Variants in UGT8 observed in about 807,000 individuals in gnomAD.
UGT8 encodes the protein 2-hydroxyacylsphingosine 1-beta-galactosyltransferase.
A neutral mutation model predicts 40.5 loss-of-function variants in UGT8; 12 were observed. The ratio of observed to expected loss-of-function variants is 0.30; its 90% CI spans 0.19 to 0.48. UGT8 has a LOEUF of 0.48. Ranked by LOEUF, UGT8 falls within the 20% of genes least tolerant of loss-of-function variation. The probability of loss-of-function intolerance (pLI) is 0.99; values close to 1 mark genes in which losing one functional copy is unlikely to be tolerated. For synonymous variants in UGT8, 224 were observed against 240.4 expected (o/e 0.93, Z 0.63); for missense variants, 513 against 648.7 (o/e 0.79, Z 2.27).
At chr4:114,645,159 T>C (rs1018221245) in intron 2 of UGT8, among the ~76,000 whole-genome samples, 1 of 152,136 alleles carries the variant, frequency 6.6e-6, no homozygotes, top group Admixed American at 6.5e-5. Flanking sequence ...CAAATCCAAA[T>C]ATTGGTTAAA....
chr4:114,656,227 G>A (rs1327962831), intron 2 of UGT8, among the ~76,000 whole-genome samples: 1 of 151,732 alleles, frequency 6.6e-6, no homozygotes, highest in Non-Finnish European at 1.5e-5. Context: ...ATCAGTCTCT[G>A]TGTCTTTATG....
At chr4:114,647,960 T>A (rs1283050530) in intron 2 of UGT8, among the ~76,000 whole-genome samples, 1 of 152,194 alleles carries the variant, frequency 6.6e-6, no homozygotes, top group Non-Finnish European at 1.5e-5. Flanking sequence ...TCATGGACAA[T>A]GTCATGTTCT....
intron 2 of UGT8, among the ~76,000 whole-genome samples, chr4:114,648,721 T>C (rs569459620): frequency 6.6e-6 from 1 of 152,208 alleles, no homozygotes; most frequent in Non-Finnish European, 1.5e-5. Context: ...GATTTCTTTA[T>C]GTATATCATT....
chr4:114,667,299 C>T (rs1490272724), intron 4 of UGT8, among the ~76,000 whole-genome samples: 1 of 152,162 alleles, frequency 6.6e-6, no homozygotes, highest in Non-Finnish European at 1.5e-5. Context: ...TGGCCAATAA[C>T]ATATATCCTA....
At chr4:114,659,018 C>T (rs959313280) in intron 2 of UGT8, among the ~76,000 whole-genome samples, 1 of 152,138 alleles carries the variant, frequency 6.6e-6, no homozygotes, top group African/African-American at 2.4e-5. Flanking sequence ...CATGGAGGGA[C>T]ATGGGAGGAC....
At chr4:114,634,638 A>G (rs1211131049) in intron 2 of UGT8, among the ~76,000 whole-genome samples, 1 of 152,240 alleles carries the variant, frequency 6.6e-6, no homozygotes, top group Non-Finnish European at 1.5e-5. Flanking sequence ...GATATATAGT[A>G]ATAAATGACT....
At chr4:114,626,346 C>T (rs1054023580) in intron 2 of UGT8, among the ~76,000 whole-genome samples, 8 of 152,258 alleles carry the variant, frequency 5.3e-5, no homozygotes, top group South Asian at 2.1e-4. Context: ...AAAGTAGCTG[C>T]GTAGAACACA....
At chr4:114,618,526 C>A (rs542632912) in intron 1 of UGT8, among the ~76,000 whole-genome samples, 1 of 152,142 alleles carries the variant, frequency 6.6e-6, no homozygotes, top group Non-Finnish European at 1.5e-5. Context: ...ATTCTTCACT[C>A]AAATTTCCAG....
intron 2 of UGT8, among the ~76,000 whole-genome samples, chr4:114,651,635 T>G (rs1266991928): frequency 6.6e-6 from 1 of 152,124 alleles, no homozygotes; most frequent in Admixed American, 6.6e-5. Context: ...AGAGAATCTG[T>G]CATTCTCTGA....
rs141908284 is a variant in UGT8, at chr4:114,669,693, T to C, written c.1262+1389T>C. On this transcript the variant is annotated intron_variant, in intron 5 of 5. Transcript: ENST00000310836. ...GCAATTAAATTCCAGCTATAGAATATTGAAGACATGTAAGTGCTTAATTTA... is the reference window on the plus strand; with the variant it reads ...GCAATTAAATTCCAGCTATAGAATACTGAAGACATGTAAGTGCTTAATTTA... Among the ~76,000 whole-genome samples, 5 of 152,338 alleles carry C rather than the reference T, an allele frequency of 3.3e-5. No homozygotes were observed. The East Asian group carries it at 5.8e-4, about 18-fold the overall frequency.
At chr4:114,627,066 C>T (rs1385708315) in intron 2 of UGT8, among the ~76,000 whole-genome samples, 1 of 152,116 alleles carries the variant, frequency 6.6e-6, no homozygotes, top group East Asian at 1.9e-4. Flanking sequence ...CATCTACTAC[C>T]TGGCTGCCTC....
intron 1 of UGT8, among the ~76,000 whole-genome samples, chr4:114,619,911 G>T (rs1764519092): frequency 6.6e-6 from 1 of 151,416 alleles, no homozygotes; most frequent in South Asian, 2.1e-4. Context: ...GTATTGCTTA[G>T]TTTGTTTTCT....
chr4:114,626,677 A>C (rs1732241945), intron 2 of UGT8, among the ~76,000 whole-genome samples: 1 of 152,194 alleles, frequency 6.6e-6, no homozygotes, highest in African/African-American at 2.4e-5. Context: ...AGCCACACAG[A>C]TAGTCTGTGG....
chr4:114,648,401 C>A (rs1233781952), intron 2 of UGT8, among the ~76,000 whole-genome samples: 3 of 136,892 alleles, frequency 2.2e-5, no homozygotes, highest in Non-Finnish European at 3.1e-5. Context: ...TTAGTCAAAT[C>A]GGATTCAGGA....
At chr4:114,650,023 CTT>C (rs1733805274) in intron 2 of UGT8, among the ~76,000 whole-genome samples, 1 of 152,130 alleles carries the variant, frequency 6.6e-6, no homozygotes, top group Non-Finnish European at 1.5e-5. Flanking sequence ...TTTTTAACCA[CTT>C]TCATTGGTAT....
At chr4:114,633,492 C>CT (rs1475224409) in intron 2 of UGT8, among the ~76,000 whole-genome samples, 1 of 152,124 alleles carries the variant, frequency 6.6e-6, no homozygotes, top group African/African-American at 2.4e-5. Context: ...TCAGTGGGGG[C>CT]TGAGAAGCTG....
intron 4 of UGT8, among the ~76,000 whole-genome samples, chr4:114,666,570 C>CT (rs1323822885): frequency 6.6e-6 from 1 of 151,852 alleles, no homozygotes; most frequent in Non-Finnish European, 1.5e-5. Context: ...TCTTTTATGG[C>CT]TTTACTGTTA....
chr4:114,618,009 TCTTTA>T (rs1379975432), intron 1 of UGT8, among the ~76,000 whole-genome samples: 1 of 152,190 alleles, frequency 6.6e-6, no homozygotes, highest in African/African-American at 2.4e-5. Flanking sequence ...ATCAGTTTCA[TCTTTA>T]CTTTGTTATC....
chr4:114,663,736 C>T (rs1734689813), intron 2 of UGT8: 2 of 985,020 alleles, frequency 2.0e-6, no homozygotes, highest in Non-Finnish European at 2.4e-6. Context: ...AGATTTTAAG[C>T]CTTTAGCAAC....
Sources: gnomAD v4.1 joint callset for allele counts (sites outside exome capture counted in the v4.1 genomes callset) on GRCh38, gnomAD v4.1.1 for gene constraint, MANE v1.5 for transcripts, NCBI Gene and HGNC (gene_info 2026-07-23, HGNC 2026-07-21) for gene names.